Variants in NOX5 observed in about 807,000 individuals in gnomAD.
NOX5 encodes NADPH oxidase 5.
Under a neutral mutation model 85.7 loss-of-function variants are expected in NOX5, and 76 were observed. That is an observed-to-expected ratio of 0.89 (90% CI 0.74 to 1.07). The LOEUF (loss-of-function observed/expected upper bound fraction) is 1.07. Ranked by LOEUF, NOX5 falls within the 50% of genes least tolerant of loss-of-function variation. The pLI, the probability that NOX5 is intolerant of heterozygous loss-of-function variation, is 0.00. For synonymous variants in NOX5, 405 were observed against 401.4 expected (o/e 1.01, Z -0.11); for missense variants, 973 against 999.5 (o/e 0.97, Z 0.36).
rs746006763 is a variant in NOX5, at chr15:69,014,821, G to A, written c.50+36G>A. The A allele has an allele frequency of 1.4e-5, 20 of 1,435,360 alleles. No homozygotes were observed. The South Asian group carries it at 2.4e-4, about 18-fold the overall frequency. 88.9% of individuals were successfully genotyped at this position (1,435,360 alleles called of 1,614,324 possible). A position where few individuals can be genotyped will look rare whatever the true frequency, so the allele number is the denominator to read the frequency against. ...CATTTGTCCAGCTTTCCATGCCAGG[G>A]ACAAGGGAAAGGTGGGATTATTTGC... On this transcript the variant is annotated intron_variant, in intron 1 of 15. Coordinates refer to ENST00000388866, the MANE Select transcript of NOX5 (RefSeq NM_024505.4).
chr15:69,053,116 C>T (rs2050769951), intron 14 of NOX5, among the ~76,000 whole-genome samples: 1 of 152,192 alleles, frequency 6.6e-6, no homozygotes. Context: ...AATTATACGT[C>T]AAGGTTTGCA....
intron 10 of NOX5, among the ~76,000 whole-genome samples, chr15:69,045,193 A>G (rs1237854852): frequency 6.6e-6 from 1 of 152,226 alleles, no homozygotes; most frequent in Non-Finnish European, 1.5e-5. Context: ...CTCTGAAGCC[A>G]ATCATCTGCC....
chr15:69,045,529 C>CTTT (rs1476715275), intron 10 of NOX5, among the ~76,000 whole-genome samples: 9 of 92,734 alleles, frequency 9.7e-5, no homozygotes, highest in African/African-American at 3.4e-4. Context: ...CTTTCTCTTC[C>CTTT]TTTCTTTTTT....
At chr15:69,018,952 T>G (rs2050265433) in intron 1 of NOX5, among the ~76,000 whole-genome samples, 1 of 152,194 alleles carries the variant, frequency 6.6e-6, no homozygotes, top group African/African-American at 2.4e-5. Flanking sequence ...AGCTTCGACC[T>G]TCTAGGCTCA....
intron 1 of NOX5, among the ~76,000 whole-genome samples, chr15:69,019,568 C>T (rs1032341034): frequency 2.0e-5 from 3 of 152,168 alleles, no homozygotes; most frequent in Non-Finnish European, 2.9e-5. Context: ...CATACTGAGG[C>T]GTAAAGCAAT....
Position 69,061,163 on chromosome 15 carries a change from G to C in NOX5, c.*4467G>C, listed in dbSNP as rs529865509. 6.6e-6 allele frequency: 1 copy of C among 152,348 alleles called. No individual in the cohort carries two copies. The highest frequency in any genetic ancestry group is 2.4e-5 in the African/African-American group (1 of 41,580). The allele number at this position is 152,348 out of a possible 1,614,324, so 9.4% of individuals were successfully genotyped here. A position where few individuals can be genotyped will look rare whatever the true frequency, so the allele number is the denominator to read the frequency against. ...TTTTAAGAGTAAAACAAAATGCAGA[G>C]ATTATCTGCAGTGTTGTCTAAGATC... On this transcript the variant is annotated 3_prime_UTR_variant, in exon 16 of 16. Transcript: ENST00000388866.
At chr15:69,024,444 C>A (rs1361974905) in intron 1 of NOX5, among the ~76,000 whole-genome samples, 1 of 151,944 alleles carries the variant, frequency 6.6e-6, no homozygotes, top group Non-Finnish European at 1.5e-5. Flanking sequence ...CTGCTCTGTC[C>A]CACCTTGGTT....
At chr15:69,031,420 C>A in intron 3 of NOX5, 98 bp from the exon 4 acceptor site, 1 of 1,341,704 alleles carries the variant, frequency 7.5e-7, no homozygotes. Flanking sequence ...CTGAGGGTGA[C>A]ATTTGGTCCT....
In NOX5 at chr15:69,047,830, G is replaced by A; in HGVS notation, c.1818G>A (p.Arg606=). Residue 606 remains arginine, a splice_region_variant and synonymous_variant, in exon 13 of 16, where the codon AGG becomes AGA. Transcript: ENST00000388866. ...ACCCCTTCCTCCTGCCTCCCCTCAG[G>A]CACCAGAAAAGAAAGCATACTTGCC... ...FASILQSIMY[R]HQKRKHTCPS... 6.2e-7 allele frequency: 1 copy of A among 1,613,972 alleles called. No individual in the cohort carries two copies. The highest frequency in any genetic ancestry group is 8.5e-7 in the Non-Finnish European group (1 of 1,179,980).
chr15:69,047,854 C>T lies in NOX5; in HGVS notation c.1842C>T (p.Cys614=). 6.2e-7 allele frequency: 1 copy of T among 1,614,170 alleles called. No homozygotes were observed. Among genetic ancestry groups the T allele is most frequent in the Non-Finnish European group, 8.5e-7 (1 of 1,180,020 alleles). ...MYRHQKRKHT[C]PSCQHSWIEG... is the part of the protein sequence containing the mutation. ...GGCACCAGAAAAGAAAGCATACTTG[C>T]CCCAGCTGCCAGCACTCCTGGATCG... Residue 614 remains cysteine, a synonymous_variant, in exon 13 of 16, where the codon TGC becomes TGT. Transcript: ENST00000388866.
chr15:69,042,686 T>A lies in NOX5; in HGVS notation c.1528T>A (p.Ser510Thr). The A allele has an allele frequency of 1.9e-6, 3 of 1,613,802 alleles. No homozygotes were observed. The highest frequency in any genetic ancestry group is 2.2e-5 in the East Asian group (1 of 44,870). The change falls in exon 10 of 16, where the codon TCC becomes ACC. Residue 510 changes from serine to threonine, a missense_variant. By Grantham distance (58) the Ser-to-Thr change is moderately conservative. Transcript: ENST00000388866. ...QKDTIWLHIR[S>T]QGQWTNRLYE... Reference sequence around the variant, plus strand: ...AGACACTATCTGGCTGCACATTCGGTCCCAAGGCCAGTGGACAAACAGGCT... The same window carrying A: ...AGACACTATCTGGCTGCACATTCGGACCCAAGGCCAGTGGACAAACAGGCT...
chr15:69,062,410 T>C lies in NOX5; in HGVS notation c.*5714T>C, dbSNP rs905728263. 2.0e-5 allele frequency: 3 copies of C among 152,208 alleles called. No homozygotes were observed. Among genetic ancestry groups the C allele is most frequent in the African/African-American group, 7.2e-5 (3 of 41,436 alleles). 9.4% of individuals were successfully genotyped at this position (152,208 alleles called of 1,614,324 possible). On this transcript the variant is annotated 3_prime_UTR_variant, in exon 16 of 16. Transcript: ENST00000388866. ...ACCTTCTTTTTGGAGGACTCTCCTA[T>C]TATAGCCATCAAACTCCTGAGTCTG...
At chr15:69,023,408 A>C (rs975966169) in intron 1 of NOX5, 5 of 374,582 alleles carry the variant, frequency 1.3e-5, no homozygotes. Flanking sequence ...AGCTCAGGTA[A>C]TTGTCACAAC....
chr15:69,048,885 C>T, intron 13 of NOX5, 74 bp from the exon 14 acceptor site: 1 of 1,100,250 alleles, frequency 9.1e-7, no homozygotes, highest in Non-Finnish European at 1.4e-6. Context: ...CATATGGGTC[C>T]CAGGGATTAC....
rs1595793439 is a variant in NOX5 at position 69,055,496 on chromosome 15, G to A, written c.2162G>A (p.Ser721Asn). ...TRTQPGRPDW[S>N]KVFQKVAAEK... ...ACCCAGCCTGGGCGGCCTGACTGGA[G>A]CAAGGTAATGCCAACTGGAGCCCTG... is the stretch of plus-strand genomic sequence containing the variant. The change falls in exon 15 of 16, where the codon AGC becomes AAC. Residue 721 changes from serine (S) to asparagine (N), a missense_variant. Physicochemically the swap from Ser to Asn is conservative, Grantham distance 46. Coordinates refer to ENST00000388866, the MANE Select transcript of NOX5 (RefSeq NM_024505.4). 1 of 1,613,586 alleles carries A rather than the reference G, an allele frequency of 6.2e-7. No homozygotes were observed. Among genetic ancestry groups the A allele is most frequent in the Non-Finnish European group, 8.5e-7 (1 of 1,179,814 alleles).
At position 69,056,592 on chromosome 15, in the gene NOX5, A is replaced by T; in HGVS notation, c.2194A>T (p.Lys732Ter). 3 of 1,613,566 alleles carry T rather than the reference A, an allele frequency of 1.9e-6. No homozygotes were observed. The highest frequency in any genetic ancestry group is 2.5e-6 in the Non-Finnish European group (3 of 1,180,024). The part of the protein sequence containing the change: ...KVFQKVAAEK[K>*]GKVQVFFCGS... Reference sequence around the variant, plus strand: ...GTTCCAGAAAGTGGCTGCTGAGAAGAAGGGCAAGGTGCAGGTCTTCTTCTG... The same window carrying T: ...GTTCCAGAAAGTGGCTGCTGAGAAGTAGGGCAAGGTGCAGGTCTTCTTCTG... Residue 732 changes from lysine (K) to a stop codon, truncating the protein, a stop_gained, in exon 16 of 16, where the codon AAG (lysine) becomes TAG (stop). Coordinates refer to ENST00000388866, the MANE Select transcript of NOX5 (RefSeq NM_024505.4). LOFTEE classifies it high-confidence loss of function.
chr15:69,044,262 C>T (rs1488358014), intron 10 of NOX5, among the ~76,000 whole-genome samples: 2 of 151,840 alleles, frequency 1.3e-5, no homozygotes, highest in Non-Finnish European at 2.9e-5. Flanking sequence ...ATTTATGAAG[C>T]ACAGCATCTG....
At chr15:69,020,182 A>G (rs894057445) in intron 1 of NOX5, among the ~76,000 whole-genome samples, 25 of 152,298 alleles carry the variant, frequency 1.6e-4, no homozygotes, top group African/African-American at 5.8e-4. Flanking sequence ...TTGCCCTTTT[A>G]GTTGTTGTTA....
intron 14 of NOX5, among the ~76,000 whole-genome samples, chr15:69,050,386 G>A (rs1199083409): frequency 6.6e-6 from 1 of 152,104 alleles, no homozygotes; most frequent in Admixed American, 6.6e-5. Context: ...TCTTTGTAAT[G>A]CAGGTCTGCT....
Sources: gnomAD v4.1 joint callset for allele counts (sites outside exome capture counted in the v4.1 genomes callset) on GRCh38, gnomAD v4.1.1 for gene constraint, MANE v1.5 for transcripts, NCBI Gene and HGNC (gene_info 2026-07-23, HGNC 2026-07-21) for gene names.